The following TTC17 variants were observed in gnomAD, a reference collection of about 807,000 sequenced individuals.
TTC17 encodes tetratricopeptide repeat domain 17.
TTC17 carries 58 observed loss-of-function variants against 143.8 expected under a neutral mutation model. The observed-to-expected ratio is 0.40, with a 90% CI of 0.33 to 0.50. TTC17 has a LOEUF of 0.50. TTC17 is among the 20% of genes least tolerant of loss of function. The pLI is 0.49. For synonymous variants in TTC17, 501 were observed against 497.8 expected, an observed-to-expected ratio of 1.01 and a Z score of -0.09; for missense variants, 1,273 against 1,392.5, an observed-to-expected ratio of 0.91 and a Z score of 1.37.
chr11:43,459,462 T>C (rs1471062148), intron 21 of TTC17, among the ~76,000 whole-genome samples: 1 of 152,250 alleles, frequency 6.6e-6, no homozygotes, highest in Admixed American at 6.5e-5. Context: ...GGCACAGTTA[T>C]CCACACTGGC....
chr11:43,397,507 T>C lies in TTC17; in HGVS notation c.918+16T>C. 5 of 1,576,890 alleles carry C rather than the reference T, an allele frequency of 3.2e-6. No homozygotes were observed. In the South Asian group the frequency reaches 5.8e-5, roughly 18 times the overall value. ...TATATATGCAGTAAGTACTACTCTT[T>C]GTTTCATGAGTCATGCTAGTTGCCA... On this transcript the variant is annotated intron_variant, in intron 7 of 23. Transcript: ENST00000039989.
At chr11:43,393,128 G>T (rs185101921) in intron 5 of TTC17, among the ~76,000 whole-genome samples, 1 of 152,182 alleles carries the variant, frequency 6.6e-6, no homozygotes, top group East Asian at 1.9e-4. Flanking sequence ...TAGTTCTCCC[G>T]ACATCAACTA....
At chr11:43,450,802 T>C (rs927195810) in intron 20 of TTC17, among the ~76,000 whole-genome samples, 1 of 152,132 alleles carries the variant, frequency 6.6e-6, no homozygotes, top group African/African-American at 2.4e-5. Flanking sequence ...ATTCAATATT[T>C]TGTGAGAAAA....
Position 43,358,949 on chromosome 11 carries a change from G to T in TTC17, c.-6G>T, listed in dbSNP as rs1173974762. Reference sequence around the variant, plus strand: ...CCGGTGTGAGCGGCCCGGCCGGGGGGGCAAGATGGCGGCGGCAGTAGGGGT... The same window carrying T: ...CCGGTGTGAGCGGCCCGGCCGGGGGTGCAAGATGGCGGCGGCAGTAGGGGT... On this transcript the variant is annotated 5_prime_UTR_variant, in exon 1 of 24. Transcript: ENST00000039989. 3 of 1,571,832 alleles carry T rather than the reference G, an allele frequency of 1.9e-6. No individual in the cohort carries two copies. Among genetic ancestry groups the T allele is most frequent in the Admixed American group, 1.8e-5 (1 of 55,414 alleles).
At chr11:43,456,179 AAC>A (rs57261729) in intron 21 of TTC17, among the ~76,000 whole-genome samples, 5,678 of 145,798 alleles carry the variant, frequency 0.039, 158 homozygotes, top group East Asian at 0.19. Context: ...TTAGCACAAT[AAC>A]ACACACACAC....
At chr11:43,460,863 C>A (rs1277484438) in intron 21 of TTC17, among the ~76,000 whole-genome samples, 1 of 152,188 alleles carries the variant, frequency 6.6e-6, no homozygotes, top group Non-Finnish European at 1.5e-5. Context: ...AGGGTGAAAG[C>A]AGAAGCATCT....
intron 3 of TTC17, 49 bp from the exon 4 acceptor site, chr11:43,391,412 AAAAT>A: frequency 8.3e-7 from 1 of 1,200,678 alleles, no homozygotes. Context: ...ATAAATAAAT[AAAAT>A]ATTGTTTATC....
chr11:43,480,168 C>A (rs57097933), intron 21 of TTC17, among the ~76,000 whole-genome samples: 13,244 of 152,228 alleles, frequency 0.087, 890 homozygotes, highest in Admixed American at 0.23. Context: ...TCACAGTAGC[C>A]ATGTATTCAT....
intron 1 of TTC17, among the ~76,000 whole-genome samples, chr11:43,377,489 T>G (rs961078257): frequency 6.6e-6 from 1 of 152,222 alleles, no homozygotes; most frequent in East Asian, 1.9e-4. Flanking sequence ...ATCTTAAAAT[T>G]TAAGAACTTG....
intron 18 of TTC17, chr11:43,447,743 C>T: frequency 2.8e-6 from 1 of 353,830 alleles, no homozygotes; most frequent in Non-Finnish European, 5.1e-6. Flanking sequence ...CCCCTTATTT[C>T]ATGTTGATCA....
At chr11:43,386,528 T>G (rs1857175848) in intron 2 of TTC17, among the ~76,000 whole-genome samples, 1 of 152,212 alleles carries the variant, frequency 6.6e-6, no homozygotes, top group Non-Finnish European at 1.5e-5. Context: ...TACTTGACTG[T>G]AGTTGATTGA....
At chr11:43,407,263 TAAGTAA>T (rs1385189996) in intron 14 of TTC17, 48 bp downstream of exon 14, 18 of 1,555,742 alleles carry the variant, frequency 1.2e-5, no homozygotes, top group Non-Finnish European at 1.6e-5. Context: ...TTCTTAATTA[TAAGTAA>T]AAGTTAAAAT....
In TTC17 at chr11:43,494,794, CA is replaced by C. The variant is rs1250524779; in HGVS notation, c.*891del. The C allele has an allele frequency of 6.6e-6, 1 of 152,170 alleles. No homozygotes were observed. The highest frequency in any genetic ancestry group is 2.4e-5 in the African/African-American group (1 of 41,444). The allele number at this position is 152,170 out of a possible 1,614,324, so 9.4% of individuals were successfully genotyped here. On this transcript the variant is annotated 3_prime_UTR_variant, in exon 24 of 24. Coordinates refer to ENST00000039989, the MANE Select transcript of TTC17 (RefSeq NM_018259.6). ...TCTGAGGCCTCCAGACTTAGCTCCT[CA>C]GGAGGGTAATGAGCCAAGGTTGAGT...
At chr11:43,380,516 A>T (rs1273912406) in intron 2 of TTC17, among the ~76,000 whole-genome samples, 2 of 151,876 alleles carry the variant, frequency 1.3e-5, no homozygotes, top group African/African-American at 4.8e-5. Flanking sequence ...CGGCCTCCCA[A>T]AGTGCTGGGA....
intron 16 of TTC17, among the ~76,000 whole-genome samples, chr11:43,432,724 C>G (rs937890443): frequency 6.6e-6 from 1 of 152,096 alleles, no homozygotes; most frequent in Admixed American, 6.6e-5. Flanking sequence ...GTGTTTCTTT[C>G]ATGAGAACAT....
intron 18 of TTC17, chr11:43,446,479 C>T (rs1038757191): frequency 2.9e-6 from 1 of 348,026 alleles, no homozygotes; most frequent in African/African-American, 2.2e-5. Context: ...GGTTCTCAGC[C>T]CCTTATAACA....
At chr11:43,474,555 A>G (rs1346400026) in intron 21 of TTC17, among the ~76,000 whole-genome samples, 3 of 152,200 alleles carry the variant, frequency 2.0e-5, no homozygotes, top group Non-Finnish European at 2.9e-5. Flanking sequence ...TTAAAATTAA[A>G]TGAGCCTATG....
In TTC17 at chr11:43,492,017, C is replaced by T; in HGVS notation, c.3151-3C>T. 6.2e-7 allele frequency: 1 copy of T among 1,613,046 alleles called. No homozygotes were observed. Among genetic ancestry groups the T allele is most frequent in the Non-Finnish European group, 8.5e-7 (1 of 1,179,538 alleles). ...CTTCTCACCATTCTCCTTCTTCTCC[C>T]AGGATGTGCCCCTGATTAGCCTGGC... On this transcript the variant is annotated splice_polypyrimidine_tract_variant and splice_region_variant and intron_variant, in intron 22 of 23. Coordinates refer to ENST00000039989, the MANE Select transcript of TTC17 (RefSeq NM_018259.6).
At chr11:43,405,982 C>T (rs760875441) in intron 13 of TTC17, 31 bp downstream of exon 13, 53 of 1,600,516 alleles carry the variant, frequency 3.3e-5, no homozygotes, top group South Asian at 2.6e-4. Flanking sequence ...TATTTATTGC[C>T]GTCCATTCTG....
Sources: allele counts gnomAD v4.1 joint callset (sites outside exome capture counted in the v4.1 genomes callset), GRCh38; gene constraint gnomAD v4.1.1; transcripts MANE v1.5; gene names NCBI Gene and HGNC (gene_info 2026-07-23, HGNC 2026-07-21).